Variants in RAB7A observed in about 807,000 individuals in gnomAD.
RAB7A encodes RAB7A, member RAS oncogene family, also known as ras-related protein Rab-7a.
In RAB7A, 2 loss-of-function variants were observed where a neutral mutation model predicts 24.5. The ratio of observed to expected loss-of-function variants is 0.08; its 90% CI spans 0.03 to 0.26. The LOEUF is 0.26. RAB7A is among the 10% of genes least tolerant of loss of function. The pLI, the probability that RAB7A is intolerant of heterozygous loss-of-function variation, is 1.00. For missense variants in RAB7A, 118 were observed against 255.7 expected (o/e 0.46, Z 3.67); for synonymous variants, 100 against 95.9 (o/e 1.04, Z -0.25).
At chr3:128,795,483 C>A in intron 2 of RAB7A, 63 bp downstream of exon 2, 1 of 1,439,268 alleles carries the variant, frequency 6.9e-7, no homozygotes, top group Non-Finnish European at 9.8e-7. Context: ...TGCTGTGGAG[C>A]CCACACTGTC....
chr3:128,810,529 GT>G (rs1449739456), intron 5 of RAB7A, among the ~76,000 whole-genome samples: 1 of 152,144 alleles, frequency 6.6e-6, no homozygotes, highest in Non-Finnish European at 1.5e-5. Flanking sequence ...TCTGGTGAGG[GT>G]GCTTTTCTGG....
chr3:128,797,037 T>C (rs1933591711), intron 2 of RAB7A, among the ~76,000 whole-genome samples: 2 of 152,256 alleles, frequency 1.3e-5, no homozygotes, highest in African/African-American at 2.4e-5. Context: ...TTGTGCTCTC[T>C]CTCCTACCCC....
At chr3:128,769,652 T>A (rs2070865880) in intron 1 of RAB7A, among the ~76,000 whole-genome samples, 1 of 152,246 alleles carries the variant, frequency 6.6e-6, no homozygotes, top group Non-Finnish European at 1.5e-5. Flanking sequence ...TTGTCAATCC[T>A]TCTAGGGATT....
intron 1 of RAB7A, among the ~76,000 whole-genome samples, chr3:128,784,881 A>G (rs1237842807): frequency 6.6e-6 from 1 of 151,634 alleles, no homozygotes; most frequent in Admixed American, 6.6e-5. Flanking sequence ...TGTTTGATTA[A>G]TATAGTAAGA....
chr3:128,791,518 A>G lies in RAB7A; in HGVS notation c.-8-3842A>G, dbSNP rs574145372. Among the ~76,000 whole-genome samples the G allele has an allele frequency of 4.6e-5, 7 of 152,318 alleles. No homozygotes were observed. In the East Asian group the frequency reaches 1.4e-3, roughly 29 times the overall value. On this transcript the variant is annotated intron_variant, in intron 1 of 5. Transcript: ENST00000265062. Reference sequence around the variant, plus strand: ...ACAGTTGACAAAATCCTTTCCTTGCATGAGAATTTGACTTTTGTTTAACTT... The same window carrying G: ...ACAGTTGACAAAATCCTTTCCTTGCGTGAGAATTTGACTTTTGTTTAACTT...
intron 5 of RAB7A, among the ~76,000 whole-genome samples, chr3:128,811,056 A>G (rs188880241): frequency 5.6e-4 from 84 of 151,178 alleles, no homozygotes; most frequent in Non-Finnish European, 1.1e-3. Flanking sequence ...CTCCATCTCA[A>G]AAAAAAAAAC....
At chr3:128,731,150 T>C (rs903102205) in intron 1 of RAB7A, among the ~76,000 whole-genome samples, 4 of 152,224 alleles carry the variant, frequency 2.6e-5, no homozygotes, top group Admixed American at 2.0e-4. Flanking sequence ...AATAGTTACA[T>C]CATTGATTTC....
chr3:128,768,969 CTT>C (rs35457218), intron 1 of RAB7A, among the ~76,000 whole-genome samples: 252 of 72,590 alleles, frequency 3.5e-3, no homozygotes, highest in Middle Eastern at 0.021. Context: ...TCTTTCTTTC[CTT>C]TTTTTTTTTT....
At position 128,765,052 on chromosome 3, in the gene RAB7A, C is replaced by T. The variant is rs1022451412; in HGVS notation, c.-8-30308C>T. 2.0e-5 allele frequency: 25 copies of T among 1,235,874 alleles called. No homozygotes were observed. In the Middle Eastern group the frequency reaches 7.9e-4, roughly 39 times the overall value. 76.6% of individuals were successfully genotyped at this position (1,235,874 alleles called of 1,614,324 possible). A position where few individuals can be genotyped will look rare whatever the true frequency, so the allele number is the denominator to read the frequency against. ...TAAGGAGAGGTGGCGGCGGTGGCTG[C>T]GCGGCGCTGGAGCGGCGGCGGGGGC... On this transcript the variant is annotated intron_variant, in intron 1 of 5. Transcript: ENST00000265062.
At position 128,813,679 on chromosome 3, in the gene RAB7A, C is replaced by T. The variant is rs917804723; in HGVS notation, c.*257C>T. 1.1e-5 allele frequency: 6 copies of T among 528,216 alleles called. No individual in the cohort carries two copies. The highest frequency in any genetic ancestry group is 9.6e-5 in the African/African-American group (5 of 52,304). The allele number at this position is 528,216 out of a possible 1,614,324, so 32.7% of individuals were successfully genotyped here. A position where few individuals can be genotyped will look rare whatever the true frequency, so the allele number is the denominator to read the frequency against. ...GATGGCTCCTTGGGGTCTGCCTGCC[C>T]ACCCACATGAGCCCGCGAGTATGGC... On this transcript the variant is annotated 3_prime_UTR_variant, in exon 6 of 6. Transcript: ENST00000265062.
intron 3 of RAB7A, among the ~76,000 whole-genome samples, chr3:128,801,342 T>C (rs1257372123): frequency 1.2e-5 from 1 of 85,782 alleles, no homozygotes. Flanking sequence ...TTTGAAAGAA[T>C]TTACTAAGAG....
intron 1 of RAB7A, among the ~76,000 whole-genome samples, chr3:128,752,933 TG>T (rs1170033857): frequency 6.6e-6 from 1 of 152,204 alleles, no homozygotes; most frequent in Non-Finnish European, 1.5e-5. Flanking sequence ...AATTAAACTC[TG>T]AATGTTTGGT....
At chr3:128,799,497 A>G (rs190623530) in intron 3 of RAB7A, among the ~76,000 whole-genome samples, 41 of 152,286 alleles carry the variant, frequency 2.7e-4, no homozygotes, top group African/African-American at 9.4e-4. Flanking sequence ...GCTTGCTGAA[A>G]TGTGTGAATG....
Position 128,737,814 on chromosome 3 carries a change from A to AT in RAB7A, c.-9+11462dup, listed in dbSNP as rs201060720. On this transcript the variant is annotated intron_variant, in intron 1 of 5. Transcript: ENST00000265062. ...CAGGCACATGCCACCACATCTGGCTATTTTTTTGTAGTTTTTTTTTTTTTT... is the reference window on the plus strand; with the variant it reads ...CAGGCACATGCCACCACATCTGGCTATTTTTTTTGTAGTTTTTTTTTTTTTT... Among the ~76,000 whole-genome samples the AT allele has an allele frequency of 8.6e-3, 374 of 43,280 alleles. 2 individuals are homozygous for AT. The highest frequency in any genetic ancestry group is 0.031 in the African/African-American group (356 of 11,496). 28.4% of individuals were successfully genotyped at this position (43,280 alleles called of 152,430 possible). A position where few individuals can be genotyped will look rare whatever the true frequency, so the allele number is the denominator to read the frequency against.
At chr3:128,782,379 C>T (rs1052529090) in intron 1 of RAB7A, among the ~76,000 whole-genome samples, 7 of 152,070 alleles carry the variant, frequency 4.6e-5, no homozygotes, top group Admixed American at 6.6e-5. Context: ...GGCTGATGCC[C>T]GCATGGGTGG....
chr3:128,743,618 A>G (rs1259094676), intron 1 of RAB7A, among the ~76,000 whole-genome samples: 1 of 152,172 alleles, frequency 6.6e-6, no homozygotes, highest in Non-Finnish European at 1.5e-5. Context: ...GGAACCACAG[A>G]TGAAGAACTG....
At chr3:128,749,325 T>C (rs531103833) in intron 1 of RAB7A, 1 of 152,344 alleles carries the variant, frequency 6.6e-6, no homozygotes, top group South Asian at 2.1e-4. Context: ...ACCTTCATTA[T>C]ACTGAATATA....
In RAB7A at chr3:128,788,117, G is replaced by A. The variant is rs576828912; in HGVS notation, c.-8-7243G>A. 3.9e-5 allele frequency among the ~76,000 whole-genome samples: 6 copies of A among 152,292 alleles called. No individual in the cohort carries two copies. In the East Asian group the frequency reaches 1.2e-3, roughly 29 times the overall value. On this transcript the variant is annotated intron_variant, in intron 1 of 5. Coordinates refer to ENST00000265062, the MANE Select transcript of RAB7A (RefSeq NM_004637.6). Reference sequence around the variant, plus strand: ...TGTCCAGGGTTTCTACACCATAGATGCTACCTGCCCGTTAGTCACTTAGTA... The same window carrying A: ...TGTCCAGGGTTTCTACACCATAGATACTACCTGCCCGTTAGTCACTTAGTA...
chr3:128,787,802 C>T (rs897574098), intron 1 of RAB7A, among the ~76,000 whole-genome samples: 1 of 152,234 alleles, frequency 6.6e-6, no homozygotes, highest in Admixed American at 6.5e-5. Context: ...CCTTAAACTC[C>T]TGGGCTCAAG....
Sources: gnomAD v4.1 joint callset for allele counts (sites outside exome capture counted in the v4.1 genomes callset) on GRCh38, gnomAD v4.1.1 for gene constraint, MANE v1.5 for transcripts, NCBI Gene and HGNC (gene_info 2026-07-23, HGNC 2026-07-21) for gene names.